CASTOR2: variants seen among roughly 807,000 people sequenced by gnomAD.
CASTOR2 encodes GATS protein like 2.
Under a neutral mutation model 31.2 loss-of-function variants are expected in CASTOR2, and 8 were observed. The ratio of observed to expected loss-of-function variants is 0.26; its 90% confidence interval spans 0.15 to 0.46. The LOEUF (loss-of-function observed/expected upper bound fraction) is 0.46. CASTOR2 is among the 20% of genes least tolerant of loss of function. The pLI is 0.99. For missense variants in CASTOR2, 216 were observed against 382.1 expected (o/e 0.57, Z 3.62); for synonymous variants, 162 against 158.7 (o/e 1.02, Z -0.16).
rs1178882142 is a variant in CASTOR2, at chr7:74,983,922, A to G, written c.113+18824A>G. Among the ~76,000 whole-genome samples, 16 of 151,436 alleles carry G rather than the reference A, an allele frequency of 1.1e-4. No homozygotes were observed. The East Asian group carries it at 3.1e-3, about 29-fold the overall frequency. On this transcript the variant is annotated intron_variant, in intron 1 of 8. Coordinates refer to ENST00000616305, the MANE Select transcript of CASTOR2 (RefSeq NM_001145064.3). Reference sequence around the variant, plus strand: ...CAGCCTCCTGAATAGCTGGGGCCGCAGGTGTGTGCCACCACACCTGGCTAA... The same window carrying G: ...CAGCCTCCTGAATAGCTGGGGCCGCGGGTGTGTGCCACCACACCTGGCTAA...
intron 1 of CASTOR2, among the ~76,000 whole-genome samples, chr7:74,976,521 T>G (rs1803811793): frequency 7.3e-6 from 1 of 136,514 alleles, no homozygotes. Flanking sequence ...GACAACATAA[T>G]GAGACCCTGT....
rs1352920489 is a variant in CASTOR2, at chr7:75,018,901, A to C, written c.512-71A>C. The stretch of plus-strand genomic sequence containing the variant: ...CTGAGCCCTCCCCAGCCCTCTTCCC[A>C]GGCCCTGCACCCACCAGAGCTGCTG... On this transcript the variant is annotated intron_variant, in intron 4 of 8. Transcript: ENST00000616305. 3.2e-6 allele frequency: 5 copies of C among 1,551,180 alleles called. No homozygotes were observed. The East Asian group carries it at 9.8e-5, about 30-fold the overall frequency.
chr7:74,977,258 G>C (rs1803837507), intron 1 of CASTOR2, among the ~76,000 whole-genome samples: 1 of 150,976 alleles, frequency 6.6e-6, no homozygotes, highest in Non-Finnish European at 1.5e-5. Context: ...GGCTGGAAAG[G>C]TTTTCTCTTA....
intron 1 of CASTOR2, among the ~76,000 whole-genome samples, chr7:74,985,082 A>G (rs1308867925): frequency 6.6e-6 from 1 of 152,152 alleles, no homozygotes; most frequent in Non-Finnish European, 1.5e-5. Context: ...GATTGCAGTG[A>G]GCTGAGATTG....
chr7:74,995,723 G>A (rs1804330114), intron 1 of CASTOR2, among the ~76,000 whole-genome samples: 1 of 151,754 alleles, frequency 6.6e-6, no homozygotes, highest in Non-Finnish European at 1.5e-5. Context: ...CAGGAGAATG[G>A]CATGAACCTG....
At chr7:75,018,637 C>G (rs1453780511) in intron 4 of CASTOR2, among the ~76,000 whole-genome samples, 3 of 152,184 alleles carry the variant, frequency 2.0e-5, no homozygotes, top group Non-Finnish European at 4.4e-5. Flanking sequence ...GGCCAGAGGC[C>G]ACTCCTGCTG....
rs1805115034 is a variant in CASTOR2 at position 75,025,900 on chromosome 7, A to T, written c.*1201A>T. ...GGCAGTGGGAATCGGGAGATGTCAC[A>T]GGAGCCTGGGCCCTCTCTTCTGAAG... On this transcript the variant is annotated 3_prime_UTR_variant, in exon 9 of 9. Transcript: ENST00000616305. 6.6e-6 allele frequency among the ~76,000 whole-genome samples: 1 copy of T among 152,096 alleles called. No homozygotes were observed. The highest frequency in any genetic ancestry group is 6.6e-5 in the Admixed American group (1 of 15,266).
chr7:75,015,091 C>T (rs1437047655), intron 2 of CASTOR2, among the ~76,000 whole-genome samples: 1 of 152,212 alleles, frequency 6.6e-6, no homozygotes, highest in Non-Finnish European at 1.5e-5. Flanking sequence ...CAATGGGCTC[C>T]TTGGGCTGTG....
chr7:75,025,010 C>A lies in CASTOR2; in HGVS notation c.*311C>A, dbSNP rs71558575. 0.058 allele frequency among the ~76,000 whole-genome samples: 8,777 copies of A among 152,318 alleles called. 348 individuals are homozygous for A. Among genetic ancestry groups the A allele is most frequent in the Non-Finnish European group, 0.086 (5,853 of 68,006 alleles). On this transcript the variant is annotated 3_prime_UTR_variant, in exon 9 of 9. Coordinates refer to ENST00000616305, the MANE Select transcript of CASTOR2 (RefSeq NM_001145064.3). ...TGAGCTGATCCGCCTTCTCATCCGG[C>A]CTCACCCACGGCCAGGGGCAGATGC...
chr7:74,983,186 G>A (rs1464891001), intron 1 of CASTOR2, among the ~76,000 whole-genome samples: 1 of 103,562 alleles, frequency 9.7e-6, no homozygotes, highest in Non-Finnish European at 1.9e-5. Flanking sequence ...TAATTTTGGC[G>A]TTTTTAGTAG....
intron 1 of CASTOR2, among the ~76,000 whole-genome samples, chr7:74,982,426 G>C (rs1270751366): frequency 2.0e-5 from 3 of 151,820 alleles, no homozygotes; most frequent in Non-Finnish European, 2.9e-5. Context: ...GGCAGATCTC[G>C]CGGTGAATTT....
intron 1 of CASTOR2, among the ~76,000 whole-genome samples, chr7:74,992,579 A>T (rs1804237536): frequency 6.6e-6 from 1 of 152,046 alleles, no homozygotes; most frequent in Non-Finnish European, 1.5e-5. Context: ...AGCTGGGACT[A>T]CAGGTGCAGG....
At chr7:75,019,387 G>A (rs1320577483) in intron 5 of CASTOR2, among the ~76,000 whole-genome samples, 1 of 151,560 alleles carries the variant, frequency 6.6e-6, no homozygotes, top group Non-Finnish European at 1.5e-5. Flanking sequence ...GTCTGAGTGG[G>A]GAGACACAGA....
chr7:75,005,294 C>G (rs1370613706), intron 1 of CASTOR2, among the ~76,000 whole-genome samples: 2 of 152,158 alleles, frequency 1.3e-5, no homozygotes, highest in African/African-American at 4.8e-5. Context: ...AATCATTTGT[C>G]CCTATAGTTT....
intron 1 of CASTOR2, among the ~76,000 whole-genome samples, chr7:75,007,693 G>A (rs1254610578): frequency 3.3e-5 from 5 of 152,080 alleles, no homozygotes; most frequent in Admixed American, 6.6e-5. Flanking sequence ...TCTTCCCTCC[G>A]AGAAAACTTG....
intron 4 of CASTOR2, among the ~76,000 whole-genome samples, chr7:75,018,560 G>A (rs1804919301): frequency 6.6e-6 from 1 of 152,178 alleles, no homozygotes; most frequent in African/African-American, 2.4e-5. Context: ...AAATGTGATG[G>A]AAAGGTCCTA....
At chr7:75,021,308 G>T (rs979916810) in intron 6 of CASTOR2, among the ~76,000 whole-genome samples, 5 of 152,018 alleles carry the variant, frequency 3.3e-5, no homozygotes, top group Non-Finnish European at 5.9e-5. Flanking sequence ...TGTATTTTTC[G>T]TAGAGATGGG....
At chr7:75,008,198 C>T (rs1804648224) in intron 2 of CASTOR2, 134 bp downstream of exon 2, 1 of 1,172,430 alleles carries the variant, frequency 8.5e-7, no homozygotes, top group Non-Finnish European at 1.3e-6. Context: ...CTGCCCTCAT[C>T]TGCTGGTCAG....
At chr7:75,019,148 G>A (rs1424865552) in intron 5 of CASTOR2, 53 bp downstream of exon 5, 12 of 1,551,454 alleles carry the variant, frequency 7.7e-6, no homozygotes, top group Middle Eastern at 1.7e-4. Context: ...GAGAGGCATG[G>A]CTCCGCCTAG....
Sources: gnomAD v4.1 joint callset for allele counts (sites outside exome capture counted in the v4.1 genomes callset) on GRCh38, gnomAD v4.1.1 for gene constraint, MANE v1.5 for transcripts, NCBI Gene and HGNC (gene_info 2026-07-23, HGNC 2026-07-21) for gene names.